The following CCNY variants were observed in gnomAD, a reference collection of about 807,000 sequenced individuals.
CCNY encodes cyclin Y.
In CCNY, 19 loss-of-function variants were observed where a neutral mutation model predicts 42.8. That is an observed-to-expected ratio of 0.44 (90% CI 0.31 to 0.65). The LOEUF (loss-of-function observed/expected upper bound fraction) is 0.65, where lower values mean the gene tolerates loss of function less well. Ranked by LOEUF, CCNY falls within the 30% of genes least tolerant of loss-of-function variation. The probability of loss-of-function intolerance (pLI) is 0.07; values close to 1 mark genes in which losing one functional copy is unlikely to be tolerated. For synonymous variants in CCNY, 165 were observed against 162.7 expected (o/e 1.01, Z -0.11); for missense variants, 370 against 437.3 (o/e 0.85, Z 1.37).
intron 1 of CCNY, among the ~76,000 whole-genome samples, chr10:35,351,613 G>T (rs1836431622): frequency 6.6e-6 from 1 of 152,198 alleles, no homozygotes; most frequent in African/African-American, 2.4e-5. Flanking sequence ...CATAGTGGGT[G>T]CTTAGTTTGT....
chr10:35,477,360 T>C (rs1279004099), intron 1 of CCNY, among the ~76,000 whole-genome samples: 1 of 150,678 alleles, frequency 6.6e-6, no homozygotes, highest in Non-Finnish European at 1.5e-5. Flanking sequence ...ACCAATATCC[T>C]TGATGAACAT....
In CCNY at chr10:35,290,222, T is replaced by TCACACACACACACACA. The variant is rs368209050; in HGVS notation, c.-9+39623_-9+39638dup. The stretch of plus-strand genomic sequence containing the variant: ...GCCTGGGCAACACAGCAAGACTCCA[T>TCACACACACACACACA]CACACACACACACACACACACACAC... On this transcript the variant is annotated intron_variant, in intron 3 of 11. Coordinates refer to the CCNY transcript ENST00000374706. 3.4e-3 allele frequency among the ~76,000 whole-genome samples: 413 copies of TCACACACACACACACA among 122,958 alleles called. 3 individuals are homozygous for TCACACACACACACACA. Among genetic ancestry groups the TCACACACACACACACA allele is most frequent in the African/African-American group, 7.7e-3 (237 of 30,810 alleles). 80.7% of individuals were successfully genotyped at this position (122,958 alleles called of 152,430 possible).
chr10:35,459,411 T>C (rs554804267), intron 1 of CCNY, among the ~76,000 whole-genome samples: 8 of 152,226 alleles, frequency 5.3e-5, no homozygotes, highest in Non-Finnish European at 8.8e-5. Flanking sequence ...TGTTTTGTTT[T>C]TTGCTCATCA....
intron 2 of CCNY, among the ~76,000 whole-genome samples, chr10:35,496,114 G>A (rs561757836): frequency 9.2e-5 from 14 of 152,318 alleles, no homozygotes; most frequent in Non-Finnish European, 1.6e-4. Context: ...AATCAGCTTC[G>A]TATATCCAAA....
At chr10:35,302,792 A>G (rs1835553653) in intron 3 of CCNY, among the ~76,000 whole-genome samples, 2 of 152,220 alleles carry the variant, frequency 1.3e-5, no homozygotes, top group African/African-American at 4.8e-5. Flanking sequence ...ATGAACACAT[A>G]AGGCTGAGTA....
chr10:35,259,247 T>A (rs2095717661), intron 3 of CCNY, among the ~76,000 whole-genome samples: 1 of 152,178 alleles, frequency 6.6e-6, no homozygotes, highest in Non-Finnish European at 1.5e-5. Context: ...AATCTTGTTA[T>A]TTTTCCTTGG....
intron 1 of CCNY, among the ~76,000 whole-genome samples, chr10:35,438,420 T>C (rs1203549921): frequency 6.6e-6 from 1 of 152,198 alleles, no homozygotes; most frequent in East Asian, 1.9e-4. Flanking sequence ...CCTTCCAAAG[T>C]GCCCAGGTTA....
intron 7 of CCNY, among the ~76,000 whole-genome samples, chr10:35,536,608 A>G (rs1840891879): frequency 6.6e-6 from 1 of 152,164 alleles, no homozygotes; most frequent in Non-Finnish European, 1.5e-5. Context: ...GTGGCCTTAG[A>G]TGGAGATGAG....
chr10:35,508,355 C>T (rs991285103), intron 3 of CCNY, among the ~76,000 whole-genome samples: 12 of 152,320 alleles, frequency 7.9e-5, no homozygotes, highest in African/African-American at 2.6e-4. Flanking sequence ...TGGGTAGTGG[C>T]AGTCTTTTGA....
At chr10:35,427,908 T>TGGCTCTTG in intron 1 of CCNY, among the ~76,000 whole-genome samples, 1 of 152,144 alleles carries the variant, frequency 6.6e-6, no homozygotes, top group South Asian at 2.1e-4. Context: ...GGCCTGGTGG[T>TGGCTCTTG]GGCTCTTGGT....
intron 1 of CCNY, among the ~76,000 whole-genome samples, chr10:35,473,551 G>A (rs1839434072): frequency 6.6e-6 from 1 of 152,088 alleles, no homozygotes. Context: ...TGAGGGGTGA[G>A]GGATATGTGA....
chr10:35,379,293 C>T (rs1589075343), intron 1 of CCNY, among the ~76,000 whole-genome samples: 2 of 152,242 alleles, frequency 1.3e-5, no homozygotes, highest in East Asian at 3.9e-4. Flanking sequence ...CTTCCCTGCC[C>T]CCCTGGACCT....
At chr10:35,418,679 C>A (rs905780870) in intron 1 of CCNY, among the ~76,000 whole-genome samples, 1 of 151,962 alleles carries the variant, frequency 6.6e-6, no homozygotes, top group Non-Finnish European at 1.5e-5. Context: ...GGAGGTAGAG[C>A]GAGCACAGCC....
At chr10:35,337,923 G>GA (rs1361680158) in intron 1 of CCNY, among the ~76,000 whole-genome samples, 2 of 151,806 alleles carry the variant, frequency 1.3e-5, no homozygotes, top group Non-Finnish European at 2.9e-5. Context: ...TTTGCAAAAA[G>GA]AAAAAAAGCT....
chr10:35,497,714 G>A (rs1239528214), intron 2 of CCNY, among the ~76,000 whole-genome samples: 10 of 134,326 alleles, frequency 7.4e-5, no homozygotes, highest in South Asian at 4.7e-4. Flanking sequence ...ATTACAGAGC[G>A]AGACTCCGTC....
chr10:35,494,245 C>CA (rs1554794874), intron 2 of CCNY, among the ~76,000 whole-genome samples: 3 of 146,326 alleles, frequency 2.1e-5, no homozygotes, highest in African/African-American at 5.0e-5. Flanking sequence ...CCCCCCCCCC[C>CA]ATTTCTACAA....
chr10:35,355,955 A>AT (rs1274858794), intron 1 of CCNY, among the ~76,000 whole-genome samples: 1 of 151,300 alleles, frequency 6.6e-6, no homozygotes, highest in African/African-American at 2.4e-5. Context: ...TGAAATTACC[A>AT]TTTTTTGTTC....
chr10:35,266,189 T>C (rs985248191), intron 3 of CCNY, among the ~76,000 whole-genome samples: 1 of 151,430 alleles, frequency 6.6e-6, no homozygotes, highest in African/African-American at 2.4e-5. Flanking sequence ...GCAATTCTCC[T>C]GTCTCAGCCT....
intron 1 of CCNY, among the ~76,000 whole-genome samples, chr10:35,369,789 T>G (rs1836888681): frequency 6.6e-6 from 1 of 152,226 alleles, no homozygotes; most frequent in Non-Finnish European, 1.5e-5. Context: ...AAATTGGACC[T>G]CATAAATTTT....
Sources: allele counts gnomAD v4.1 joint callset (sites outside exome capture counted in the v4.1 genomes callset), GRCh38; gene constraint gnomAD v4.1.1; transcripts MANE v1.5; gene names NCBI Gene and HGNC (gene_info 2026-07-23, HGNC 2026-07-21).